The following MYOCD variants were observed in gnomAD, a reference collection of about 807,000 sequenced individuals.
MYOCD encodes the protein myocardin.
MYOCD carries 32 observed loss-of-function variants against 96.1 expected under a neutral mutation model. The ratio of observed to expected loss-of-function variants is 0.33; its 90% CI spans 0.25 to 0.45. The LOEUF is 0.45. MYOCD is among the 20% of genes least tolerant of loss of function. The probability of loss-of-function intolerance (pLI) is 1.00; values close to 1 mark genes in which losing one functional copy is unlikely to be tolerated. For missense variants in MYOCD, 1,133 were observed against 1,200.6 expected, an observed-to-expected ratio of 0.94 and a Z score of 0.83; for synonymous variants, 469 against 469.0, an observed-to-expected ratio of 1.00 and a Z score of 0.00.
chr17:12,741,852 G>A (rs1166811073), intron 7 of MYOCD, among the ~76,000 whole-genome samples: 1 of 152,058 alleles, frequency 6.6e-6, no homozygotes, highest in Non-Finnish European at 1.5e-5. Context: ...CAGGCTGGTT[G>A]TTTGTAGAAG....
At chr17:12,675,515 T>A (rs1909966828) in intron 1 of MYOCD, among the ~76,000 whole-genome samples, 1 of 152,248 alleles carries the variant, frequency 6.6e-6, no homozygotes, top group Admixed American at 6.5e-5. Context: ...ATTAATTTTT[T>A]AAAATTCAGG....
chr17:12,672,378 A>T (rs938703813), intron 1 of MYOCD, among the ~76,000 whole-genome samples: 13 of 152,198 alleles, frequency 8.5e-5, no homozygotes, highest in Admixed American at 6.5e-5. Context: ...CAGCCTTACG[A>T]CGTTAGTACT....
In MYOCD at chr17:12,715,560, T is replaced by G. The variant is rs151225315; in HGVS notation, c.163T>G (p.Leu55Val). 182 of 1,613,644 alleles carry G rather than the reference T, an allele frequency of 1.1e-4. 1 individual carries two copies. The African/African-American group carries it at 2.1e-3, about 19-fold the overall frequency. The change falls in exon 3 of 14, where the codon TTG becomes GTG. Residue 55 changes from leucine to valine, a missense_variant. Coordinates refer to ENST00000425538, the MANE Select transcript of MYOCD (RefSeq NM_001146312.3). ...TGAATTCCATGAGCAAAGAAAACATTTGGATAGTGACAAGGTAATTTTTGC... is the reference window on the plus strand; with the variant it reads ...TGAATTCCATGAGCAAAGAAAACATGTGGATAGTGACAAGGTAATTTTTGC... ...PAEFHEQRKH[L>V]DSDKAKNSLK...
At chr17:12,745,358 C>T (rs1007239358) in intron 8 of MYOCD, among the ~76,000 whole-genome samples, 55 of 151,950 alleles carry the variant, frequency 3.6e-4, no homozygotes, top group Non-Finnish European at 3.8e-4. Context: ...TACAGGCATG[C>T]GCCACCACGC....
intron 9 of MYOCD, among the ~76,000 whole-genome samples, chr17:12,751,029 T>TA (rs1266297937): frequency 1.3e-5 from 2 of 152,150 alleles, no homozygotes; most frequent in African/African-American, 4.8e-5. Flanking sequence ...TTTCTTGACT[T>TA]ACAGAAGTTT....
At chr17:12,730,198 A>G (rs568068530) in intron 5 of MYOCD, among the ~76,000 whole-genome samples, 1 of 152,234 alleles carries the variant, frequency 6.6e-6, no homozygotes, top group African/African-American at 2.4e-5. Flanking sequence ...CTGCAATCCC[A>G]GCACTTTGGG....
intron 1 of MYOCD, among the ~76,000 whole-genome samples, chr17:12,689,777 G>A (rs560294522): frequency 2.0e-5 from 3 of 151,582 alleles, no homozygotes; most frequent in African/African-American, 7.3e-5. Flanking sequence ...GTTGCAGTGG[G>A]CCGAGATCAC....
In MYOCD at chr17:12,685,199, C is replaced by T. The variant is rs150708781; in HGVS notation, c.55+18956C>T. ...CTGTAATCCCAGCTACTCAGGAGGCCAAGGCACAAGAAATGTTTAAACCGA... is the reference window on the plus strand; with the variant it reads ...CTGTAATCCCAGCTACTCAGGAGGCTAAGGCACAAGAAATGTTTAAACCGA... On this transcript the variant is annotated intron_variant, in intron 1 of 13. Transcript: ENST00000425538. 2.9e-3 allele frequency among the ~76,000 whole-genome samples: 447 copies of T among 151,936 alleles called. 1 individual carries two copies. Among genetic ancestry groups the T allele is most frequent in the African/African-American group, 0.01 (417 of 41,430 alleles).
chr17:12,675,537 T>C (rs1035298925), intron 1 of MYOCD, among the ~76,000 whole-genome samples: 1 of 152,244 alleles, frequency 6.6e-6, no homozygotes, highest in Non-Finnish European at 1.5e-5. Flanking sequence ...TATAAAACAA[T>C]CCGGCAACAT....
chr17:12,713,372 G>A (rs1171015873), intron 2 of MYOCD, among the ~76,000 whole-genome samples: 1 of 152,150 alleles, frequency 6.6e-6, no homozygotes, highest in Non-Finnish European at 1.5e-5. Context: ...CAGCCTCAGA[G>A]ACATGAGAAC....
chr17:12,734,925 A>T (rs533346648), intron 5 of MYOCD, among the ~76,000 whole-genome samples: 118 of 152,330 alleles, frequency 7.7e-4, no homozygotes, highest in Non-Finnish European at 1.4e-3. Flanking sequence ...GCTCAGCCCC[A>T]AACCCTTCCC....
In MYOCD at chr17:12,687,717, G is replaced by A. The variant is rs147937013; in HGVS notation, c.56-17411G>A. ...TTAGAAAATACGACCATTCTTTGGC[G>A]CTGAAGAGGTTGCAGCAAGTAGGGG... On this transcript the variant is annotated intron_variant, in intron 1 of 13. Transcript: ENST00000425538. 6.6e-4 allele frequency among the ~76,000 whole-genome samples: 101 copies of A among 152,246 alleles called. 1 individual carries two copies. In the East Asian group the frequency reaches 0.013, roughly 20 times the overall value.
chr17:12,698,868 G>A (rs1163247683), intron 1 of MYOCD, among the ~76,000 whole-genome samples: 3 of 142,032 alleles, frequency 2.1e-5, no homozygotes, highest in Admixed American at 7.3e-5. Flanking sequence ...TCAGCCTCCC[G>A]AGTAGTTGGG....
At chr17:12,684,270 C>T (rs973893376) in intron 1 of MYOCD, among the ~76,000 whole-genome samples, 1 of 152,158 alleles carries the variant, frequency 6.6e-6, no homozygotes, top group Non-Finnish European at 1.5e-5. Context: ...CTCTTCCCAT[C>T]GTCTGAGCAT....
At chr17:12,666,305 G>C (rs182641932) in intron 1 of MYOCD, 62 bp downstream of exon 1, 1 of 1,214,068 alleles carries the variant, frequency 8.2e-7, no homozygotes, top group Admixed American at 1.7e-5. Flanking sequence ...CTCAACTCTA[G>C]AACTGCTTTC....
chr17:12,713,921 C>T (rs922046584), intron 2 of MYOCD, among the ~76,000 whole-genome samples: 2 of 152,096 alleles, frequency 1.3e-5, no homozygotes, highest in African/African-American at 2.4e-5. Context: ...CAGAGAAGCT[C>T]ATTTTAAGAG....
At chr17:12,738,034 CATT>C (rs1471130985) in intron 6 of MYOCD, among the ~76,000 whole-genome samples, 2 of 152,186 alleles carry the variant, frequency 1.3e-5, no homozygotes, top group African/African-American at 4.8e-5. Flanking sequence ...CATTTGTACA[CATT>C]ATTCTGACAG....
intron 8 of MYOCD, 104 bp from the exon 9 acceptor site, chr17:12,745,815 A>G: frequency 8.3e-7 from 1 of 1,204,400 alleles, no homozygotes; most frequent in African/African-American, 1.5e-5. Context: ...CTGGTTTATT[A>G]CATGCCTGAC....
intron 1 of MYOCD, among the ~76,000 whole-genome samples, chr17:12,698,892 G>A (rs757008056): frequency 1.3e-5 from 2 of 150,330 alleles, no homozygotes; most frequent in Non-Finnish European, 3.0e-5. Flanking sequence ...ACAGACGCCC[G>A]CCACCACGCC....
Sources: allele counts gnomAD v4.1 joint callset (sites outside exome capture counted in the v4.1 genomes callset), GRCh38; gene constraint gnomAD v4.1.1; transcripts MANE v1.5; gene names NCBI Gene and HGNC (gene_info 2026-07-23, HGNC 2026-07-21).